Variants in OSBP2 observed in about 807,000 individuals in gnomAD.
The protein encoded by OSBP2 is oxysterol binding protein 2.
Under a neutral mutation model 96.0 loss-of-function variants are expected in OSBP2, and 66 were observed. The ratio of observed to expected loss-of-function variants is 0.69; its 90% CI spans 0.56 to 0.84. OSBP2 has a LOEUF of 0.84. OSBP2 is among the 40% of genes least tolerant of loss of function. OSBP2 has a pLI of 0.00. For synonymous variants in OSBP2, 525 were observed against 520.9 expected (o/e 1.01, Z -0.11); for missense variants, 1,038 against 1,222.7 (o/e 0.85, Z 2.25).
intron 12 of OSBP2, among the ~76,000 whole-genome samples, chr22:30,896,647 ATTTTTTT>A (rs60421891): frequency 1.4e-5 from 2 of 143,984 alleles, no homozygotes; most frequent in African/African-American, 5.1e-5. Flanking sequence ...GGCAAACTGG[ATTTTTTT>A]TTTTTTTTTA....
intron 2 of OSBP2, among the ~76,000 whole-genome samples, chr22:30,761,585 A>G (rs953958542): frequency 1.3e-5 from 2 of 152,254 alleles, no homozygotes; most frequent in African/African-American, 2.4e-5. Context: ...AGACAAACTT[A>G]TTATACATTT....
chr22:30,789,616 C>T (rs2090644709), intron 2 of OSBP2, among the ~76,000 whole-genome samples: 1 of 152,152 alleles, frequency 6.6e-6, no homozygotes, highest in Admixed American at 6.5e-5. Context: ...TCCGGTACAG[C>T]TGTGTATGGA....
chr22:30,842,124 T>TA (rs2038765019), intron 2 of OSBP2, among the ~76,000 whole-genome samples: 1 of 152,136 alleles, frequency 6.6e-6, no homozygotes, highest in Non-Finnish European at 1.5e-5. Flanking sequence ...CTTTTGTATT[T>TA]TTTGTAGACA....
intron 2 of OSBP2, among the ~76,000 whole-genome samples, chr22:30,749,660 T>C (rs2090048876): frequency 6.6e-6 from 1 of 151,862 alleles, no homozygotes; most frequent in South Asian, 2.1e-4. Context: ...CAGACTGGAG[T>C]GCAGTGGCGC....
chr22:30,797,750 C>T (rs970898136), intron 2 of OSBP2, among the ~76,000 whole-genome samples: 2 of 152,042 alleles, frequency 1.3e-5, no homozygotes, highest in East Asian at 1.9e-4. Flanking sequence ...AGCCACCATG[C>T]CTGGCTAATC....
At chr22:30,832,845 C>G (rs2147008470) in intron 2 of OSBP2, among the ~76,000 whole-genome samples, 1 of 152,230 alleles carries the variant, frequency 6.6e-6, no homozygotes, top group African/African-American at 2.4e-5. Context: ...TGCAGGGGAG[C>G]TGGGGTGGAG....
intron 2 of OSBP2, among the ~76,000 whole-genome samples, chr22:30,815,641 A>G (rs2091074775): frequency 6.6e-6 from 1 of 152,038 alleles, no homozygotes; most frequent in South Asian, 2.1e-4. Flanking sequence ...ATACACTTGT[A>G]TTTCCTGTGT....
At chr22:30,777,531 C>T (rs1419801537) in intron 2 of OSBP2, among the ~76,000 whole-genome samples, 2 of 152,146 alleles carry the variant, frequency 1.3e-5, no homozygotes, top group East Asian at 3.9e-4. Flanking sequence ...TGTAAGTCTC[C>T]CAGTCTTGGA....
rs149855437 is a variant in OSBP2 at position 30,740,954 on chromosome 22, C to T, written c.645-207C>T. Among the ~76,000 whole-genome samples, 851 of 152,274 alleles carry T rather than the reference C, an allele frequency of 5.6e-3. 7 individuals are homozygous for T. The highest frequency in any genetic ancestry group is 0.019 in the African/African-American group (803 of 41,556). ...TGCAGGCTCCCGTCCCTCTGCCATT[C>T]CCCACAGAGAGCAGTCGTGGCCTTA... On this transcript the variant is annotated intron_variant, in intron 1 of 13. Transcript: ENST00000332585.
intron 12 of OSBP2, among the ~76,000 whole-genome samples, chr22:30,894,681 CAAAG>C (rs889422945): frequency 1.3e-5 from 2 of 152,226 alleles, no homozygotes; most frequent in Admixed American, 1.3e-4. Context: ...ATAAAAATAA[CAAAG>C]AAATTCCTGC....
intron 1 of OSBP2, among the ~76,000 whole-genome samples, chr22:30,702,468 G>T (rs1303070026): frequency 6.6e-6 from 1 of 152,126 alleles, no homozygotes; most frequent in Non-Finnish European, 1.5e-5. Flanking sequence ...ACAAAAATTA[G>T]CTGGGCATGG....
chr22:30,780,387 A>G (rs13433567), intron 2 of OSBP2, among the ~76,000 whole-genome samples: 4,597 of 152,320 alleles, frequency 0.03, 204 homozygotes, highest in African/African-American at 0.1. Flanking sequence ...CTACGTATAA[A>G]GAACCCGACA....
chr22:30,836,743 C>G (rs879649474), intron 2 of OSBP2, among the ~76,000 whole-genome samples: 7 of 152,120 alleles, frequency 4.6e-5, no homozygotes, highest in Admixed American at 4.6e-4. Flanking sequence ...TCAGCAGACA[C>G]AGCAGGCAAT....
upstream of OSBP2, chr22:30,694,475 CA>C: frequency 8.3e-7 from 1 of 1,198,306 alleles, no homozygotes; most frequent in Non-Finnish European, 1.1e-6. Flanking sequence ...AGAGCGAACC[CA>C]CCCCAGCCTG....
intron 1 of OSBP2, among the ~76,000 whole-genome samples, chr22:30,718,500 CACT>C (rs1321443256): frequency 6.6e-6 from 1 of 152,226 alleles, no homozygotes; most frequent in Non-Finnish European, 1.5e-5. Context: ...GTATGCTTGG[CACT>C]GGGCTTGGCA....
chr22:30,845,349 G>C (rs2038846612), intron 2 of OSBP2, among the ~76,000 whole-genome samples: 1 of 152,100 alleles, frequency 6.6e-6, no homozygotes, highest in Non-Finnish European at 1.5e-5. Flanking sequence ...CTTGATCCTG[G>C]GAGGCAGAGG....
intron 2 of OSBP2, among the ~76,000 whole-genome samples, chr22:30,859,075 C>T (rs998162597): frequency 4.6e-5 from 7 of 152,102 alleles, no homozygotes; most frequent in South Asian, 2.1e-4. Flanking sequence ...ACCCTTTCCC[C>T]GCCAGGGCCC....
At chr22:30,822,842 G>T in intron 2 of OSBP2, 1 of 724,258 alleles carries the variant, frequency 1.4e-6, no homozygotes, top group African/African-American at 1.9e-5. Context: ...GGGAGCGCGG[G>T]GAGCCTCGGG....
intron 2 of OSBP2, among the ~76,000 whole-genome samples, chr22:30,765,332 C>T (rs1404571156): frequency 1.3e-5 from 2 of 152,170 alleles, no homozygotes; most frequent in African/African-American, 4.8e-5. Flanking sequence ...GCCTCAGCCT[C>T]CCCAGTAGCT....
Sources: gnomAD v4.1 joint callset for allele counts (sites outside exome capture counted in the v4.1 genomes callset) on GRCh38, gnomAD v4.1.1 for gene constraint, MANE v1.5 for transcripts, NCBI Gene and HGNC (gene_info 2026-07-23, HGNC 2026-07-21) for gene names.